The following EXD3 variants were observed in gnomAD, a reference collection of about 807,000 sequenced individuals.
EXD3 encodes the protein exonuclease 3'-5' domain containing 3.
EXD3 carries 92 observed loss-of-function variants against 98.0 expected under a neutral mutation model. The ratio of observed to expected loss-of-function variants is 0.94; its 90% confidence interval spans 0.79 to 1.12. EXD3 has a LOEUF of 1.12. Ranked by LOEUF, EXD3 falls within the 50% of genes most tolerant of loss-of-function variation. The pLI is 0.00. For missense variants in EXD3, 1,222 were observed against 1,191.6 expected, an observed-to-expected ratio of 1.03 and a Z score of -0.38; for synonymous variants, 569 against 526.0, an observed-to-expected ratio of 1.08 and a Z score of -1.12.
intron 19 of EXD3, among the ~76,000 whole-genome samples, chr9:137,310,992 CG>C (rs1481963899): frequency 6.6e-6 from 1 of 152,214 alleles, no homozygotes. Flanking sequence ...CTGGAGCCTC[CG>C]GGTGTGGCCA....
rs565009071 is a variant in EXD3, at chr9:137,354,311, C to T, written c.870+28G>A. 1,042 of 1,611,056 alleles carry T rather than the reference C, an allele frequency of 6.5e-4. 13 individuals are homozygous for T. In the South Asian group the frequency reaches 0.011, roughly 16 times the overall value. On this transcript the variant is annotated intron_variant, in intron 10 of 21. Coordinates refer to ENST00000340951, the MANE Select transcript of EXD3 (RefSeq NM_017820.5). The stretch of plus-strand genomic sequence containing the variant: ...AGGACAGCCGCCCAGGCCGCCCTGC[C>T]GGCTTACAGGCAAGGGCACGAACTC...
chr9:137,419,047 A>G (rs1838379044), intron 1 of EXD3, among the ~76,000 whole-genome samples: 2 of 152,222 alleles, frequency 1.3e-5, no homozygotes, highest in Non-Finnish European at 1.5e-5. Flanking sequence ...TAACTTGGAT[A>G]TAACAAATAG....
chr9:137,351,861 C>T lies in EXD3; in HGVS notation c.1173+205G>A, dbSNP rs145275384. Reference sequence around the variant, plus strand: ...CACGGCACCTTCCACAGGCTGGCAGCACTGGGTAAATGCCAGCAGCCAGCA... The same window carrying T: ...CACGGCACCTTCCACAGGCTGGCAGTACTGGGTAAATGCCAGCAGCCAGCA... On this transcript the variant is annotated intron_variant, in intron 12 of 21. Coordinates refer to ENST00000340951, the MANE Select transcript of EXD3 (RefSeq NM_017820.5). Among the ~76,000 whole-genome samples the T allele has an allele frequency of 7.1e-3, 1,080 of 152,356 alleles. 13 individuals are homozygous for T. Among genetic ancestry groups the T allele is most frequent in the African/African-American group, 0.024 (1,007 of 41,594 alleles).
chr9:137,420,686 C>T (rs762607712), intron 1 of EXD3, among the ~76,000 whole-genome samples: 27 of 151,350 alleles, frequency 1.8e-4, no homozygotes, highest in Non-Finnish European at 3.5e-4. Flanking sequence ...TGTCACTTTC[C>T]GACAGATCCA....
intron 17 of EXD3, among the ~76,000 whole-genome samples, chr9:137,336,690 C>A: frequency 6.6e-6 from 1 of 150,524 alleles, no homozygotes. Context: ...TAGGGCAATC[C>A]CTACAAAGAA....
intron 6 of EXD3, 93 bp downstream of exon 6, chr9:137,367,843 G>T: frequency 7.9e-7 from 1 of 1,270,384 alleles, no homozygotes; most frequent in Non-Finnish European, 1.1e-6. Context: ...ACTGTGGCTT[G>T]GTGGACTCCC....
At position 137,349,603 on chromosome 9, in the gene EXD3, C is replaced by T; in HGVS notation, c.1495-72G>A. The T allele has an allele frequency of 7.0e-7, 1 of 1,433,670 alleles. No individual in the cohort carries two copies. 88.8% of individuals were successfully genotyped at this position (1,433,670 alleles called of 1,614,324 possible). Reference sequence around the variant, plus strand: ...AGCACAGTCACCGTGCCCACTCACACCAGCCCTGCGGGGGCTCTGGAGGAG... The same window carrying T: ...AGCACAGTCACCGTGCCCACTCACATCAGCCCTGCGGGGGCTCTGGAGGAG... On this transcript the variant is annotated intron_variant, in intron 14 of 21. Coordinates refer to ENST00000340951, the MANE Select transcript of EXD3 (RefSeq NM_017820.5). The surrounding 1 kb of genome is among the most constrained non-coding windows in gnomAD (Gnocchi z 7.4).
intron 17 of EXD3, among the ~76,000 whole-genome samples, chr9:137,344,555 C>T (rs186803858): frequency 2.0e-4 from 31 of 152,282 alleles, no homozygotes; most frequent in African/African-American, 6.0e-4. Flanking sequence ...GGTTTGCTTT[C>T]GAAGACTGTT....
In EXD3 at chr9:137,359,064, A is replaced by C. The variant is rs1450435874; in HGVS notation, c.657-2696T>G. ...TGGGTTCATGCCATTCTCCTGCCTC[A>C]GCCTCCAGAGTAGCTGGGACTACAG... On this transcript the variant is annotated intron_variant, in intron 7 of 21. Transcript: ENST00000340951. Among the ~76,000 whole-genome samples, 2 of 26,248 alleles carry C rather than the reference A, an allele frequency of 7.6e-5. 1 individual carries two copies. Among genetic ancestry groups the C allele is most frequent in the African/African-American group, 1.5e-4 (2 of 13,058 alleles). 17.2% of individuals were successfully genotyped at this position (26,248 alleles called of 152,430 possible).
intron 17 of EXD3, among the ~76,000 whole-genome samples, chr9:137,325,983 C>T (rs887410083): frequency 6.7e-6 from 1 of 150,354 alleles, no homozygotes; most frequent in Non-Finnish European, 1.5e-5. Context: ...AGGAAGTCGA[C>T]GTGGGATGAT....
At chr9:137,391,041 G>C (rs1316146073) in intron 2 of EXD3, among the ~76,000 whole-genome samples, 1 of 152,206 alleles carries the variant, frequency 6.6e-6, no homozygotes, top group East Asian at 1.9e-4. Flanking sequence ...GGTGGGGCGG[G>C]GGTGGCCTGC....
intron 1 of EXD3, among the ~76,000 whole-genome samples, chr9:137,411,216 G>T (rs574066842): frequency 1.3e-5 from 2 of 152,336 alleles, no homozygotes; most frequent in East Asian, 3.9e-4. Context: ...GCAGGCGTGG[G>T]AGGGGCACGC....
chr9:137,340,770 T>C (rs1309501474), intron 17 of EXD3, among the ~76,000 whole-genome samples: 1 of 152,146 alleles, frequency 6.6e-6, no homozygotes, highest in Non-Finnish European at 1.5e-5. Flanking sequence ...TCTCCCGCCC[T>C]GGCCTCCCAA....
rs1025159606 is a variant in EXD3 at position 137,395,512 on chromosome 9, G to A, written c.-47-108C>T. The A allele has an allele frequency of 9.9e-6, 10 of 1,005,502 alleles. No homozygotes were observed. The highest frequency in any genetic ancestry group is 7.9e-5 in the East Asian group (3 of 38,198). The allele number at this position is 1,005,502 out of a possible 1,614,324, so 62.3% of individuals were successfully genotyped here. On this transcript the variant is annotated intron_variant, in intron 1 of 21. Transcript: ENST00000340951. This position sits in a 1 kb window ranked among gnomAD's most constrained non-coding sequence, Gnocchi z 6.5. ...TGGTGGAGGGAGCTGGTGCCTGGGG[G>A]GGCCCAAGTGGGACCCCCAGTCGCT... is the stretch of plus-strand genomic sequence containing the variant.
intron 17 of EXD3, among the ~76,000 whole-genome samples, chr9:137,331,139 A>T (rs554487856): frequency 6.6e-6 from 1 of 152,342 alleles, no homozygotes; most frequent in Admixed American, 6.5e-5. Context: ...CCTAAACAGA[A>T]TTAAAAACAA....
chr9:137,409,934 T>C (rs1437691284), intron 1 of EXD3, among the ~76,000 whole-genome samples: 1 of 152,116 alleles, frequency 6.6e-6, no homozygotes, highest in Non-Finnish European at 1.5e-5. Context: ...CCCAGCACTT[T>C]AGGAGGCTGA....
Position 137,356,289 on chromosome 9 carries a change from C to T in EXD3, c.736G>A (p.Glu246Lys), listed in dbSNP as rs113967703. 28 of 1,603,344 alleles carry T rather than the reference C, an allele frequency of 1.7e-5. 1 individual carries two copies. The African/African-American group carries it at 2.5e-4, about 15-fold the overall frequency. The change falls in exon 8 of 22, where the codon GAG (glutamate) becomes AAG (lysine). Residue 246 changes from glutamate (E) to lysine (K), a missense_variant. Physicochemically the swap from Glu to Lys is moderately conservative, Grantham distance 56. Transcript: ENST00000340951. The part of the protein sequence containing the change: ...ALSRQVLRLQ[E>K]RYGVAPALCP... Reference sequence around the variant, plus strand: ...TCACCTGGGGCTACGCCGTACCGCTCCTGCAGACGCAAGACCTGCCTGCTC... The same window carrying T: ...TCACCTGGGGCTACGCCGTACCGCTTCTGCAGACGCAAGACCTGCCTGCTC...
At chr9:137,315,616 CGGGGGAGGGGGCAG>C (rs1831607828) in intron 19 of EXD3, among the ~76,000 whole-genome samples, 1 of 152,072 alleles carries the variant, frequency 6.6e-6, no homozygotes, top group African/African-American at 2.4e-5. Context: ...GCCCCCACCC[CGGGGGAGGGGGCAG>C]CAGGACACAA....
chr9:137,324,796 C>T lies in EXD3; in HGVS notation c.1999-653G>A, dbSNP rs984488081. ...CAAGCTCCGCCTCCTGGGTTCATGC[C>T]ATTCTCCTGCCTCAGCCTCCCAAGT... is the stretch of plus-strand genomic sequence containing the variant. On this transcript the variant is annotated intron_variant, in intron 17 of 21. Transcript: ENST00000340951. This position sits in a 1 kb window ranked among gnomAD's most constrained non-coding sequence, Gnocchi z 4.1. Among the ~76,000 whole-genome samples the T allele has an allele frequency of 2.0e-5, 3 of 152,030 alleles. No individual in the cohort carries two copies. The highest frequency in any genetic ancestry group is 7.3e-5 in the African/African-American group (3 of 41,364).
Sources: gnomAD v4.1 joint callset for allele counts (sites outside exome capture counted in the v4.1 genomes callset) on GRCh38, gnomAD v4.1.1 for gene constraint, Gnocchi (gnomAD v3.1) non-coding constraint, MANE v1.5 for transcripts, NCBI Gene and HGNC (gene_info 2026-07-23, HGNC 2026-07-21) for gene names.